UTRN: variants seen among roughly 807,000 people sequenced by gnomAD.
UTRN encodes utrophin.
A neutral mutation model predicts 463.9 loss-of-function variants in UTRN; 283 were observed. The ratio of observed to expected loss-of-function variants is 0.61; its 90% CI spans 0.55 to 0.67. The LOEUF (loss-of-function observed/expected upper bound fraction) is 0.67. UTRN is among the 30% of genes least tolerant of loss of function. The probability of loss-of-function intolerance (pLI) is 0.00; values close to 1 mark genes in which losing one functional copy is unlikely to be tolerated. For missense variants in UTRN, 3,922 were observed against 4,084.3 expected, an observed-to-expected ratio of 0.96 and a Z score of 1.08; for synonymous variants, 1,442 against 1,431.5, an observed-to-expected ratio of 1.01 and a Z score of -0.17.
intron 22 of UTRN, among the ~76,000 whole-genome samples, 194 bp downstream of exon 22, chr6:144,461,536 T>C (rs1789410996): frequency 6.6e-6 from 1 of 152,228 alleles, no homozygotes; most frequent in Non-Finnish European, 1.5e-5. Context: ...AATTTTTTCA[T>C]AGAAGAAAAG....
chr6:144,491,016 C>G lies in UTRN; in HGVS notation c.4351C>G (p.Leu1451Val). The change falls in exon 32 of 75, where the codon CTG becomes GTG. Residue 1451 changes from leucine to valine, a missense_variant. Physicochemically the swap from Leu to Val is conservative, Grantham distance 32. Transcript: ENST00000367545. ...GCGCATGCTGGACTGCAAGCGTGTG[C>G]TGGATGGCGTGAAAGCAGAACTTCA... ...EQRMLDCKRV[L>V]DGVKAELHVL... The G allele has an allele frequency of 6.2e-7, 1 of 1,614,024 alleles. No individual in the cohort carries two copies. The highest frequency in any genetic ancestry group is 8.5e-7 in the Non-Finnish European group (1 of 1,179,960).
intron 37 of UTRN, among the ~76,000 whole-genome samples, chr6:144,515,153 C>T (rs1290772082): frequency 1.3e-5 from 2 of 152,168 alleles, no homozygotes; most frequent in Non-Finnish European, 2.9e-5. Flanking sequence ...GATCTGCCCG[C>T]CTTGGCCTCC....
intron 2 of UTRN, among the ~76,000 whole-genome samples, chr6:144,352,888 A>G (rs1329353179): frequency 6.6e-6 from 1 of 152,164 alleles, no homozygotes; most frequent in Admixed American, 6.5e-5. Context: ...GACTGTCAGC[A>G]TTGATTTTCC....
At chr6:144,768,340 G>GT (rs1235180615) in intron 58 of UTRN, among the ~76,000 whole-genome samples, 1 of 152,146 alleles carries the variant, frequency 6.6e-6, no homozygotes, top group Non-Finnish European at 1.5e-5. Flanking sequence ...GAGATTATAT[G>GT]TTATCCCAGC....
At chr6:144,377,719 CTG>C (rs1377967606) in intron 2 of UTRN, among the ~76,000 whole-genome samples, 1 of 152,218 alleles carries the variant, frequency 6.6e-6, no homozygotes, top group African/African-American at 2.4e-5. Flanking sequence ...CAGACCTACT[CTG>C]TCTCTGGTTA....
intron 51 of UTRN, among the ~76,000 whole-genome samples, chr6:144,629,996 T>C (rs1012972387): frequency 1.3e-5 from 2 of 151,886 alleles, no homozygotes; most frequent in African/African-American, 2.4e-5. Flanking sequence ...CCATCCTGGC[T>C]AACATGGTGA....
chr6:144,513,001 T>C (rs528122226), intron 35 of UTRN, among the ~76,000 whole-genome samples: 1 of 152,332 alleles, frequency 6.6e-6, no homozygotes, highest in South Asian at 2.1e-4. Flanking sequence ...TTGGTCACAC[T>C]CTAACTTCTT....
Position 144,748,254 on chromosome 6 carries a change from C to A in UTRN, c.7948C>A (p.Pro2650Thr). The change falls in exon 55 of 75, where the codon CCT becomes ACT. Residue 2650 changes from proline (P) to threonine (T), a missense_variant. Pro to Thr is a conservative substitution (Grantham distance 38). Coordinates refer to ENST00000367545, the MANE Select transcript of UTRN (RefSeq NM_007124.3). ...CTTTTTTTTAATCACAGAATTAACT[C>A]CTGAGGAGAGAGCCCAAAAGATTGC... ...RNLQSKTELT[P>T]EERAQKIAKA... The A allele has an allele frequency of 6.2e-7, 1 of 1,610,234 alleles. No individual in the cohort carries two copies.
chr6:144,499,514 C>T (rs1298609119), intron 34 of UTRN, 87 bp downstream of exon 34: 24 of 1,142,230 alleles, frequency 2.1e-5, no homozygotes, highest in Middle Eastern at 2.1e-4. Context: ...CCATGTCCCT[C>T]CATTTTATAT....
intron 2 of UTRN, among the ~76,000 whole-genome samples, chr6:144,328,192 C>CT (rs1455921305): frequency 4.7e-5 from 7 of 148,832 alleles, no homozygotes; most frequent in African/African-American, 1.8e-4. Context: ...AAGTTTCTTT[C>CT]CTTTTTTTTT....
At chr6:144,843,911 A>G (rs1196007427) in intron 73 of UTRN, among the ~76,000 whole-genome samples, 3 of 152,248 alleles carry the variant, frequency 2.0e-5, no homozygotes, top group Non-Finnish European at 4.4e-5. Flanking sequence ...AACTATGCAC[A>G]TTCACAAATA....
intron 43 of UTRN, among the ~76,000 whole-genome samples, chr6:144,534,204 G>C (rs926984549): frequency 6.6e-6 from 1 of 152,110 alleles, no homozygotes; most frequent in Non-Finnish European, 1.5e-5. Flanking sequence ...ATAATAATTA[G>C]TACGTTTTGG....
intron 2 of UTRN, among the ~76,000 whole-genome samples, chr6:144,349,340 C>G (rs1312141824): frequency 6.6e-6 from 1 of 152,166 alleles, no homozygotes; most frequent in African/African-American, 2.4e-5. Context: ...AGACTTGGCC[C>G]TCAAGATCTG....
intron 2 of UTRN, among the ~76,000 whole-genome samples, chr6:144,332,904 T>A (rs1776438952): frequency 6.9e-6 from 1 of 145,134 alleles, no homozygotes; most frequent in African/African-American, 2.6e-5. Context: ...GATATTAACC[T>A]TTTATTTATT....
intron 50 of UTRN, among the ~76,000 whole-genome samples, chr6:144,569,222 AAT>A (rs1320771633): frequency 6.6e-6 from 1 of 152,092 alleles, no homozygotes; most frequent in African/African-American, 2.4e-5. Context: ...CAGAATATAA[AAT>A]AACATGTATA....
chr6:144,353,753 A>T (rs1778315134), intron 2 of UTRN, among the ~76,000 whole-genome samples: 2 of 152,194 alleles, frequency 1.3e-5, no homozygotes, highest in African/African-American at 4.8e-5. Context: ...AGGCTGAGGG[A>T]CGAGAATCGC....
intron 2 of UTRN, among the ~76,000 whole-genome samples, chr6:144,353,174 G>T (rs919134468): frequency 2.0e-5 from 3 of 152,004 alleles, no homozygotes; most frequent in African/African-American, 7.3e-5. Context: ...GAGTGCAGTG[G>T]TGCGATCTCA....
chr6:144,468,353 G>A (rs1470045716), intron 23 of UTRN, among the ~76,000 whole-genome samples: 2 of 152,100 alleles, frequency 1.3e-5, no homozygotes, highest in Non-Finnish European at 2.9e-5. Context: ...GATGGTCCAT[G>A]TAGACTTTGA....
At chr6:144,514,416 A>C (rs976472274) in intron 36 of UTRN, among the ~76,000 whole-genome samples, 2 of 152,180 alleles carry the variant, frequency 1.3e-5, no homozygotes, top group African/African-American at 2.4e-5. Context: ...TGAGTCTTAC[A>C]TACTTTTGTA....
Sources: gnomAD v4.1 joint callset for allele counts (sites outside exome capture counted in the v4.1 genomes callset) on GRCh38, gnomAD v4.1.1 for gene constraint, MANE v1.5 for transcripts, NCBI Gene and HGNC (gene_info 2026-07-23, HGNC 2026-07-21) for gene names.